The following PHYH variants were observed in gnomAD, a reference collection of about 807,000 sequenced individuals.
PHYH encodes the protein phytanoyl-CoA 2-hydroxylase.
In PHYH, 32 loss-of-function variants were observed where a neutral mutation model predicts 38.5. That is an observed-to-expected ratio of 0.83 (90% confidence interval 0.63 to 1.12). PHYH has a LOEUF of 1.12. Ranked by LOEUF, PHYH falls within the 50% of genes most tolerant of loss-of-function variation. The pLI is 0.00. For missense variants in PHYH, 426 were observed against 434.8 expected (o/e 0.98, Z 0.18); for synonymous variants, 166 against 157.9 (o/e 1.05, Z -0.38).
intron 5 of PHYH, 39 bp from the exon 6 acceptor site, chr10:13,288,580 G>A (rs1290490608): frequency 3.1e-6 from 5 of 1,595,618 alleles, no homozygotes; most frequent in Non-Finnish European, 4.3e-6. Context: ...ACTCGAGGCC[G>A]AGTGCAGTGG....
chr10:13,286,359 A>T (rs532291092), intron 6 of PHYH, among the ~76,000 whole-genome samples: 1 of 152,240 alleles, frequency 6.6e-6, no homozygotes, highest in South Asian at 2.1e-4. Context: ...AGCTGAATGG[A>T]TGAACAAACC....
In PHYH at chr10:13,291,538, A is replaced by T. The variant is rs533978018; in HGVS notation, c.496+293T>A. ...CACTGTGTCACGCAGGCTGGAGAGC[A>T]TGCCATTATAGGTTCACTGCAGCCT... On this transcript the variant is annotated intron_variant, in intron 5 of 8. Coordinates refer to ENST00000263038, the MANE Select transcript of PHYH (RefSeq NM_006214.4). 303 of 428,304 alleles carry T rather than the reference A, an allele frequency of 7.1e-4. 1 individual carries two copies. Among genetic ancestry groups the T allele is most frequent in the East Asian group, 7.5e-4 (16 of 21,442 alleles). The allele number at this position is 428,304 out of a possible 1,614,324, so 26.5% of individuals were successfully genotyped here.
At chr10:13,286,718 A>C (rs1192734249) in intron 6 of PHYH, among the ~76,000 whole-genome samples, 1 of 145,488 alleles carries the variant, frequency 6.9e-6, no homozygotes, top group Non-Finnish European at 1.5e-5. Flanking sequence ...AAAAAAAAAC[A>C]ACAAAAAACT....
In PHYH at chr10:13,278,078, T is replaced by G; in HGVS notation, c.*223A>C. On this transcript the variant is annotated 3_prime_UTR_variant, in exon 9 of 9. Transcript: ENST00000263038. ...TTTATTGGCTGCCACCCTAAATTAG[T>G]TTTCCTTAAAACAGTAATATTTCAC... 1.9e-6 allele frequency: 1 copy of G among 520,720 alleles called. No homozygotes were observed. 32.3% of individuals were successfully genotyped at this position (520,720 alleles called of 1,614,324 possible). A position where few individuals can be genotyped will look rare whatever the true frequency, so the allele number is the denominator to read the frequency against.
At chr10:13,285,783 T>C (rs1324935186) in intron 6 of PHYH, among the ~76,000 whole-genome samples, 4 of 151,572 alleles carry the variant, frequency 2.6e-5, no homozygotes, top group East Asian at 1.9e-4. Context: ...TTTGTATTTT[T>C]AGTAGAGACA....
intron 4 of PHYH, among the ~76,000 whole-genome samples, chr10:13,292,725 G>A (rs1835742353): frequency 6.6e-6 from 1 of 152,086 alleles, no homozygotes; most frequent in African/African-American, 2.4e-5. Flanking sequence ...TTGAGGTCAG[G>A]AGTTCAAAAC....
At chr10:13,286,744 A>T (rs1236062700) in intron 6 of PHYH, among the ~76,000 whole-genome samples, 1 of 151,824 alleles carries the variant, frequency 6.6e-6, no homozygotes, top group Non-Finnish European at 1.5e-5. Context: ...CATACACAAC[A>T]GCATCAATGA....
chr10:13,299,636 GT>G (rs1453933243), intron 1 of PHYH: 7 of 1,141,382 alleles, frequency 6.1e-6, no homozygotes, highest in Non-Finnish European at 7.5e-6. Flanking sequence ...ACATCTCTGG[GT>G]CTCTGGACAG....
intron 6 of PHYH, among the ~76,000 whole-genome samples, chr10:13,285,852 C>T (rs1835536532): frequency 6.6e-6 from 1 of 152,024 alleles, no homozygotes; most frequent in African/African-American, 2.4e-5. Context: ...GATCCGCCCA[C>T]CTCAGCCTCC....
At chr10:13,293,239 G>C (rs1835756150) in intron 4 of PHYH, among the ~76,000 whole-genome samples, 1 of 152,022 alleles carries the variant, frequency 6.6e-6, no homozygotes. Context: ...GACATAACTT[G>C]TACTGTTATT....
chr10:13,282,826 C>T lies in PHYH; in HGVS notation c.828+864G>A, dbSNP rs950416950. On this transcript the variant is annotated intron_variant, in intron 7 of 8. Coordinates refer to ENST00000263038, the MANE Select transcript of PHYH (RefSeq NM_006214.4). ...TTTCGCATTAAAATGTTACTAAACTCGATTGCAGAGTCTTTTTTTGGCATC... is the reference window on the plus strand; with the variant it reads ...TTTCGCATTAAAATGTTACTAAACTTGATTGCAGAGTCTTTTTTTGGCATC... 5.3e-5 allele frequency among the ~76,000 whole-genome samples: 8 copies of T among 152,056 alleles called. No individual in the cohort carries two copies. In the South Asian group the frequency reaches 6.2e-4, roughly 12 times the overall value.
At position 13,291,916 on chromosome 10, in the gene PHYH, A is replaced by G; in HGVS notation, c.415-4T>C. 1 of 1,598,474 alleles carries G rather than the reference A, an allele frequency of 6.3e-7. No homozygotes were observed. Among genetic ancestry groups the G allele is most frequent in the Non-Finnish European group, 8.6e-7 (1 of 1,168,698 alleles). On this transcript the variant is annotated splice_region_variant and splice_polypyrimidine_tract_variant and intron_variant, in intron 4 of 8. Coordinates refer to ENST00000263038, the MANE Select transcript of PHYH (RefSeq NM_006214.4). ...AGCACTCCACATATTTCAGAATCTA[A>G]GAAAGCAAAAAAAAAACAAAAACAA...
At chr10:13,298,961 TAATAACAAC>T (rs1392644838) in intron 1 of PHYH, among the ~76,000 whole-genome samples, 11 of 61,346 alleles carry the variant, frequency 1.8e-4, no homozygotes, top group African/African-American at 3.7e-4. Flanking sequence ...ATAATAATAA[TAATAACAAC>T]AATAACAACA....
chr10:13,284,650 G>C (rs1835501635), intron 6 of PHYH, among the ~76,000 whole-genome samples: 1 of 152,138 alleles, frequency 6.6e-6, no homozygotes, highest in Non-Finnish European at 1.5e-5. Context: ...GAGCTCAAAG[G>C]CACTTATGTT....
At chr10:13,298,271 A>G (rs748786186) in intron 1 of PHYH, 26 bp from the exon 2 acceptor site, 17 of 1,493,374 alleles carry the variant, frequency 1.1e-5, no homozygotes, top group Admixed American at 5.0e-5. Context: ...AGGCAAATAA[A>G]GTAAAATATA....
At chr10:13,286,579 T>TA (rs1486154673) in intron 6 of PHYH, among the ~76,000 whole-genome samples, 1 of 151,842 alleles carries the variant, frequency 6.6e-6, no homozygotes, top group Admixed American at 6.6e-5. Flanking sequence ...CTTGTGCCTG[T>TA]AGTCCCAGCT....
intron 7 of PHYH, among the ~76,000 whole-genome samples, chr10:13,283,324 T>C (rs1835462931): frequency 6.6e-6 from 1 of 151,650 alleles, no homozygotes; most frequent in Admixed American, 6.6e-5. Flanking sequence ...AGAGATGGGG[T>C]TTCACTGTGT....
At position 13,299,731 on chromosome 10, in the gene PHYH, A is replaced by G. The variant is rs732701; in HGVS notation, c.75+237T>C. 0.24 allele frequency: 307,058 copies of G among 1,303,982 alleles called. 37,163 individuals are homozygous for G. The highest frequency in any genetic ancestry group is 0.35 in the African/African-American group (22,288 of 64,090). The allele number at this position is 1,303,982 out of a possible 1,614,324, so 80.8% of individuals were successfully genotyped here. A position where few individuals can be genotyped will look rare whatever the true frequency, so the allele number is the denominator to read the frequency against. On this transcript the variant is annotated intron_variant, in intron 1 of 8. Transcript: ENST00000263038. The stretch of plus-strand genomic sequence containing the variant: ...CCCCAGGGATCCCGGAGGGCAGGGC[A>G]ACGCGGCAATTGCCCCGACCCCAGG...
chr10:13,288,317 C>T (rs1484353493), intron 6 of PHYH, 43 bp downstream of exon 6: 5 of 1,570,942 alleles, frequency 3.2e-6, no homozygotes, highest in Non-Finnish European at 4.4e-6. Context: ...ACAGAAACTG[C>T]GAAGGAGATT....
Sources: gnomAD v4.1 joint callset for allele counts (sites outside exome capture counted in the v4.1 genomes callset) on GRCh38, gnomAD v4.1.1 for gene constraint, MANE v1.5 for transcripts, NCBI Gene and HGNC (gene_info 2026-07-23, HGNC 2026-07-21) for gene names.